NEBL: variants seen among roughly 807,000 people sequenced by gnomAD.
NEBL encodes nebulette, also known as LIM and SH3 protein 2.
NEBL carries 122 observed loss-of-function variants against 140.2 expected under a neutral mutation model. That is an observed-to-expected ratio of 0.87 (90% CI 0.75 to 1.01). The LOEUF is 1.01. Ranked by LOEUF, NEBL falls within the 50% of genes least tolerant of loss-of-function variation. NEBL has a pLI of 0.00. For missense variants in NEBL, 1,365 were observed against 1,231.3 expected (o/e 1.11, Z -1.62); for synonymous variants, 436 against 398.9 (o/e 1.09, Z -1.11).
chr10:20,897,198 AC>A lies in NEBL; in HGVS notation c.7del (p.Val3SerfsTer7). 6.3e-7 allele frequency: 1 copy of A among 1,591,336 alleles called. No homozygotes were observed. Among genetic ancestry groups the A allele is most frequent in the Non-Finnish European group, 8.6e-7 (1 of 1,165,492 alleles). ...ATCTTTTATATCCTCAAATACAGGG[AC>A]CCTCATTTTTACCCTTTAAAATATT... is the stretch of plus-strand genomic sequence containing the variant. MR[V>X]PVFEDIKDET... On this transcript the variant is annotated frameshift_variant, in exon 1 of 28. Coordinates refer to ENST00000377122, the MANE Select transcript of NEBL (RefSeq NM_006393.3). LOFTEE classifies it high-confidence loss of function.
chr10:21,237,859 A>G (rs1588549723), intron 3 of NEBL, among the ~76,000 whole-genome samples: 2 of 152,236 alleles, frequency 1.3e-5, no homozygotes. Flanking sequence ...CACCCGCCTC[A>G]ATCTCCCAAA....
intron 3 of NEBL, among the ~76,000 whole-genome samples, chr10:20,888,985 C>G (rs1291269388): frequency 6.6e-6 from 1 of 152,130 alleles, no homozygotes; most frequent in Non-Finnish European, 1.5e-5. Flanking sequence ...CCTGTGCTAG[C>G]CTTCTGCTAC....
At chr10:20,857,012 A>G (rs906076699) in intron 9 of NEBL, among the ~76,000 whole-genome samples, 4 of 152,064 alleles carry the variant, frequency 2.6e-5, no homozygotes, top group Non-Finnish European at 5.9e-5. Context: ...TATTTTTAGT[A>G]GAGACGAGGT....
chr10:21,206,137 A>G (rs1431998456), intron 3 of NEBL, among the ~76,000 whole-genome samples: 3 of 152,344 alleles, frequency 2.0e-5, no homozygotes, highest in Non-Finnish European at 2.9e-5. Flanking sequence ...GTCCTGGCCA[A>G]TAAAATGATC....
intron 2 of NEBL, chr10:21,126,215 AT>A: frequency 8.0e-7 from 1 of 1,255,258 alleles, no homozygotes; most frequent in Non-Finnish European, 1.1e-6. Context: ...TAACAACTAC[AT>A]TGCTGGTTAT....
At chr10:20,869,236 C>T (rs893440497) in intron 6 of NEBL, among the ~76,000 whole-genome samples, 21 of 152,102 alleles carry the variant, frequency 1.4e-4, no homozygotes, top group African/African-American at 5.1e-4. Context: ...TCATTTCCAA[C>T]CAGGGTTTTC....
At chr10:20,872,862 A>G (rs1279066623) in intron 5 of NEBL, among the ~76,000 whole-genome samples, 3 of 152,232 alleles carry the variant, frequency 2.0e-5, no homozygotes, top group Admixed American at 1.3e-4. Context: ...GGAGGCATGA[A>G]TAATCCACCC....
At chr10:20,941,257 C>T (rs902472168) in intron 4 of NEBL, among the ~76,000 whole-genome samples, 8 of 152,194 alleles carry the variant, frequency 5.3e-5, no homozygotes, top group African/African-American at 1.7e-4. Flanking sequence ...TGGGCTTCAT[C>T]CCTGGGATGC....
intron 3 of NEBL, among the ~76,000 whole-genome samples, chr10:21,004,752 T>G (rs563061407): frequency 6.6e-6 from 1 of 151,652 alleles, no homozygotes; most frequent in Non-Finnish European, 1.5e-5. Context: ...GAATTAACAA[T>G]GCAGATTTCT....
At chr10:21,166,268 C>A (rs1840771415) in intron 2 of NEBL, among the ~76,000 whole-genome samples, 3 of 140,202 alleles carry the variant, frequency 2.1e-5, no homozygotes, top group African/African-American at 7.8e-5. Context: ...AAATTTTCTA[C>A]ATCATGATCC....
intron 2 of NEBL, among the ~76,000 whole-genome samples, chr10:20,893,627 G>T (rs144900822): frequency 1.3e-5 from 2 of 152,284 alleles, no homozygotes; most frequent in Non-Finnish European, 2.9e-5. Flanking sequence ...GCTTCCTAGG[G>T]CTGATCTCTA....
At chr10:21,052,089 T>C (rs1337551802) in intron 2 of NEBL, among the ~76,000 whole-genome samples, 1 of 151,864 alleles carries the variant, frequency 6.6e-6, no homozygotes, top group African/African-American at 2.4e-5. Flanking sequence ...GATAAAAAGT[T>C]TAAAAAAAAA....
chr10:21,053,450 G>T (rs994098100), intron 2 of NEBL, among the ~76,000 whole-genome samples: 5 of 152,168 alleles, frequency 3.3e-5, no homozygotes, highest in African/African-American at 1.2e-4. Flanking sequence ...CTGAAGGATG[G>T]GAATTTCAGG....
chr10:20,858,113 G>C (rs1843272187), intron 9 of NEBL, 127 bp downstream of exon 9: 2 of 741,768 alleles, frequency 2.7e-6, no homozygotes, highest in Non-Finnish European at 4.7e-6. Context: ...TTTTCAATGA[G>C]TTAGTTAACG....
intron 2 of NEBL, among the ~76,000 whole-genome samples, chr10:21,101,141 T>C (rs1482964100): frequency 6.6e-6 from 1 of 152,154 alleles, no homozygotes; most frequent in African/African-American, 2.4e-5. Flanking sequence ...GACTCAAGTC[T>C]CCCCTCTGTG....
chr10:21,259,739 G>A (rs116694987), intron 1 of NEBL, among the ~76,000 whole-genome samples: 3 of 152,118 alleles, frequency 2.0e-5, no homozygotes, highest in South Asian at 2.1e-4. Flanking sequence ...TGCACCCCAC[G>A]TGCGATGGCT....
chr10:20,942,132 T>C (rs1834904717), intron 4 of NEBL, among the ~76,000 whole-genome samples: 2 of 152,062 alleles, frequency 1.3e-5, no homozygotes, highest in African/African-American at 4.8e-5. Context: ...CCTTGCCAAG[T>C]CAATCCTAAG....
At chr10:21,288,478 A>C (rs1843090642) in intron 1 of NEBL, among the ~76,000 whole-genome samples, 1 of 147,062 alleles carries the variant, frequency 6.8e-6, no homozygotes, top group Admixed American at 6.9e-5. Context: ...AAAAAAGAGA[A>C]AAAGCCCGAC....
At chr10:21,002,728 A>G (rs946653066) in intron 3 of NEBL, among the ~76,000 whole-genome samples, 1 of 152,126 alleles carries the variant, frequency 6.6e-6, no homozygotes, top group African/African-American at 2.4e-5. Context: ...ACACTTTTAA[A>G]CAACCAGATC....
Sources: gnomAD v4.1 joint callset for allele counts (sites outside exome capture counted in the v4.1 genomes callset) on GRCh38, gnomAD v4.1.1 for gene constraint, MANE v1.5 for transcripts, NCBI Gene and HGNC (gene_info 2026-07-23, HGNC 2026-07-21) for gene names.